The following TSEN2 variants were observed in gnomAD, a reference collection of about 807,000 sequenced individuals.
TSEN2 encodes the protein tRNA splicing endonuclease subunit 2.
A neutral mutation model predicts 59.2 loss-of-function variants in TSEN2; 54 were observed. That is an observed-to-expected ratio of 0.91 (90% confidence interval 0.73 to 1.14). The LOEUF (loss-of-function observed/expected upper bound fraction) is 1.14, where lower values mean the gene tolerates loss of function less well. Among genes scored for constraint, TSEN2 ranks in the 50% most tolerant of loss-of-function variants. The pLI is 0.00. For synonymous variants in TSEN2, 195 were observed against 198.2 expected (o/e 0.98, Z 0.14); for missense variants, 636 against 576.2 (o/e 1.10, Z -1.06).
At chr3:12,509,953 G>A (rs560663385) in intron 6 of TSEN2, among the ~76,000 whole-genome samples, 1 of 152,328 alleles carries the variant, frequency 6.6e-6, no homozygotes, top group South Asian at 2.1e-4. Flanking sequence ...TAGCCTGTGA[G>A]GAGTGAGCTG....
intron 4 of TSEN2, among the ~76,000 whole-genome samples, chr3:12,502,615 A>G (rs374927994): frequency 5.6e-4 from 85 of 150,570 alleles, no homozygotes; most frequent in African/African-American, 1.8e-3. Context: ...AAATCACTTA[A>G]TCTATCAGTT....
intron 1 of TSEN2, among the ~76,000 whole-genome samples, chr3:12,485,893 C>T (rs1015251724): frequency 6.6e-6 from 1 of 151,678 alleles, no homozygotes; most frequent in Non-Finnish European, 1.5e-5. Context: ...TATCAGGTTC[C>T]GAATCTGTGG....
chr3:12,521,480 C>T (rs1188789214), intron 8 of TSEN2, among the ~76,000 whole-genome samples: 1 of 151,368 alleles, frequency 6.6e-6, no homozygotes, highest in Non-Finnish European at 1.5e-5. Flanking sequence ...TTTGGGAGGC[C>T]GAGGCAGGTG....
intron 6 of TSEN2, among the ~76,000 whole-genome samples, chr3:12,506,528 G>A (rs187738937): frequency 4.0e-4 from 60 of 151,276 alleles, no homozygotes; most frequent in African/African-American, 1.3e-3. Context: ...CTGGGAGGTC[G>A]AGGCTTTAAT....
intron 10 of TSEN2, chr3:12,530,448 A>G (rs140593569): frequency 1.5e-4 from 145 of 985,640 alleles, no homozygotes; most frequent in Non-Finnish European, 1.7e-4. Context: ...TTGTTTCACT[A>G]TATCCTTCGT....
At chr3:12,488,436 C>T (rs533286499) in intron 1 of TSEN2, among the ~76,000 whole-genome samples, 6 of 152,268 alleles carry the variant, frequency 3.9e-5, no homozygotes, top group Middle Eastern at 3.4e-3. Flanking sequence ...AGCTGCTCCT[C>T]GAGTGGAATG....
intron 3 of TSEN2, among the ~76,000 whole-genome samples, chr3:12,496,120 C>T (rs2053722330): frequency 6.6e-6 from 1 of 152,244 alleles, no homozygotes; most frequent in Non-Finnish European, 1.5e-5. Flanking sequence ...TTGATATACA[C>T]ATGGAAGGCG....
chr3:12,492,330 C>T, intron 3 of TSEN2, 113 bp downstream of exon 3: 1 of 870,778 alleles, frequency 1.1e-6, no homozygotes, highest in African/African-American at 1.7e-5. Context: ...TGTACACTGG[C>T]AGTTTTACTG....
chr3:12,480,524 C>CTTCGGTTTTTTTT (rs1368131888), upstream of TSEN2, among the ~76,000 whole-genome samples: 1 of 108,644 alleles, frequency 9.2e-6, no homozygotes, highest in African/African-American at 4.0e-5. Flanking sequence ...TGTTTTGTTT[C>CTTCGGTTTTTTTT]TTTGTTTTTT....
upstream of TSEN2, chr3:12,484,316 T>A (rs895292538): frequency 5.2e-5 from 8 of 152,404 alleles, no homozygotes; most frequent in Non-Finnish European, 1.2e-4. Flanking sequence ...GCACGCAGCC[T>A]CCGCCTCATA....
chr3:12,506,157 C>T (rs993399115), intron 6 of TSEN2, among the ~76,000 whole-genome samples: 8 of 144,816 alleles, frequency 5.5e-5, no homozygotes, highest in South Asian at 2.1e-4. Context: ...GAGTACAAGT[C>T]GCTATTGTTT....
At chr3:12,498,209 C>G (rs1362403496) in intron 4 of TSEN2, among the ~76,000 whole-genome samples, 1 of 151,940 alleles carries the variant, frequency 6.6e-6, no homozygotes, top group East Asian at 1.9e-4. Flanking sequence ...CTGCAAAGAC[C>G]CTGTTTCCAG....
Position 12,523,526 on chromosome 3 carries a change from C to CTTTTTTTTTTTT in TSEN2, c.1099+4343_1099+4354dup, listed in dbSNP as rs546904336. 7.2e-3 allele frequency among the ~76,000 whole-genome samples: 333 copies of CTTTTTTTTTTTT among 46,480 alleles called. 51 individuals carry two copies. The highest frequency in any genetic ancestry group is 0.011 in the Non-Finnish European group (245 of 23,028). The allele number at this position is 46,480 out of a possible 152,430, so 30.5% of individuals were successfully genotyped here. On this transcript the variant is annotated intron_variant, in intron 8 of 11. Coordinates refer to ENST00000284995, the MANE Select transcript of TSEN2 (RefSeq NM_025265.4). ...CTTCTCCTCATCTTCCTCTTTGATT[C>CTTTTTTTTTTTT]TTTTTTTTTTTTTTTTTTTTTTTTT...
upstream of TSEN2, among the ~76,000 whole-genome samples, chr3:12,480,455 C>T (rs576310232): frequency 3.9e-5 from 6 of 152,002 alleles, no homozygotes; most frequent in African/African-American, 9.7e-5. Context: ...GACCTCCAAC[C>T]GACACTTACT....
intron 6 of TSEN2, among the ~76,000 whole-genome samples, chr3:12,514,007 A>G (rs2055785383): frequency 6.6e-6 from 1 of 152,198 alleles, no homozygotes; most frequent in Non-Finnish European, 1.5e-5. Context: ...TGAACACCCA[A>G]CATGTGCTAG....
intron 4 of TSEN2, among the ~76,000 whole-genome samples, chr3:12,500,053 G>T (rs1029472709): frequency 2.0e-5 from 3 of 152,202 alleles, no homozygotes; most frequent in African/African-American, 7.2e-5. Flanking sequence ...GGCACGTCCT[G>T]TGTCCTTGCG....
At chr3:12,512,512 T>C (rs1178091571) in intron 6 of TSEN2, among the ~76,000 whole-genome samples, 2 of 152,246 alleles carry the variant, frequency 1.3e-5, no homozygotes. Flanking sequence ...AGCAGATACA[T>C]ACTCTGTCTC....
At chr3:12,513,130 CA>C (rs1375620850) in intron 6 of TSEN2, among the ~76,000 whole-genome samples, 2 of 152,204 alleles carry the variant, frequency 1.3e-5, no homozygotes, top group African/African-American at 4.8e-5. Context: ...CATAGATGAT[CA>C]AAGCCAGTCA....
intron 8 of TSEN2, among the ~76,000 whole-genome samples, chr3:12,523,706 A>G (rs1411306967): frequency 2.6e-5 from 4 of 150,962 alleles, no homozygotes; most frequent in African/African-American, 9.8e-5. Context: ...CACCCAGCTA[A>G]TTTTTGTATT....
Sources: gnomAD v4.1 joint callset for allele counts (sites outside exome capture counted in the v4.1 genomes callset) on GRCh38, gnomAD v4.1.1 for gene constraint, MANE v1.5 for transcripts, NCBI Gene and HGNC (gene_info 2026-07-23, HGNC 2026-07-21) for gene names.